The following NRXN2 variants were observed in gnomAD, a reference collection of about 807,000 sequenced individuals.
NRXN2 encodes neurexin 2.
A neutral mutation model predicts 128.8 loss-of-function variants in NRXN2; 29 were observed. The observed-to-expected ratio is 0.23, with a 90% CI of 0.17 to 0.31. NRXN2 has a LOEUF of 0.31. Ranked by LOEUF, NRXN2 falls within the 10% of genes least tolerant of loss-of-function variation. The probability of loss-of-function intolerance (pLI) is 1.00; values close to 1 mark genes in which losing one functional copy is unlikely to be tolerated. For synonymous variants in NRXN2, 1,098 were observed against 1,075.2 expected (o/e 1.02, Z -0.41); for missense variants, 1,881 against 2,452.6 (o/e 0.77, Z 4.92).
intron 2 of NRXN2, among the ~76,000 whole-genome samples, chr11:64,709,739 G>A (rs1418339509): frequency 6.6e-6 from 1 of 151,858 alleles, no homozygotes; most frequent in Non-Finnish European, 1.5e-5. Flanking sequence ...ACCAGATTAG[G>A]TGCTGGGAAT....
In NRXN2 at chr11:64,667,557, A is replaced by G. The variant is rs754259066; in HGVS notation, c.1491T>C (p.Phe497=). 4.2e-5 allele frequency: 68 copies of G among 1,613,950 alleles called. No individual in the cohort carries two copies. Among genetic ancestry groups the G allele is most frequent in the Non-Finnish European group, 5.7e-5 (67 of 1,179,946 alleles). The change falls in exon 9 of 23, where the codon TTT becomes TTC. Residue 497 remains phenylalanine, a synonymous_variant. Coordinates refer to ENST00000265459, the MANE Select transcript of NRXN2 (RefSeq NM_015080.4). The surrounding 1 kb of genome is among the most constrained non-coding windows in gnomAD (Gnocchi z 5.6). ...EDVAALDPVT[F]ESPEAFVALP... is the part of the protein sequence containing the mutation. Reference sequence around the variant, plus strand: ...GCGCCACAAAGGCCTCGGGACTCTCAAAGGTCACAGGGTCCAGGGCAGCCA... The same window carrying G: ...GCGCCACAAAGGCCTCGGGACTCTCGAAGGTCACAGGGTCCAGGGCAGCCA...
At chr11:64,706,770 A>G (rs1051742600) in intron 2 of NRXN2, among the ~76,000 whole-genome samples, 2 of 152,068 alleles carry the variant, frequency 1.3e-5, no homozygotes, top group Non-Finnish European at 2.9e-5. Context: ...TTATTAATCA[A>G]TGTTCGAGGC....
intron 12 of NRXN2, among the ~76,000 whole-genome samples, chr11:64,653,225 A>G (rs1366969055): frequency 6.6e-6 from 1 of 152,216 alleles, no homozygotes; most frequent in South Asian, 2.1e-4. Context: ...GGAGCTGAAG[A>G]GGGCTCCCTT....
At chr11:64,679,432 T>C (rs2051850658) in intron 6 of NRXN2, among the ~76,000 whole-genome samples, 2 of 151,708 alleles carry the variant, frequency 1.3e-5, no homozygotes, top group African/African-American at 4.9e-5. Flanking sequence ...GGTCAGGAGA[T>C]TGAGACCATC....
In NRXN2 at chr11:64,651,954, C is replaced by T. The variant is rs542695865; in HGVS notation, c.2536+81G>A. The T allele has an allele frequency of 1.3e-5, 20 of 1,589,920 alleles. No individual in the cohort carries two copies. In the East Asian group the frequency reaches 2.7e-4, roughly 21 times the overall value. On this transcript the variant is annotated intron_variant, in intron 13 of 22. Coordinates refer to ENST00000265459, the MANE Select transcript of NRXN2 (RefSeq NM_015080.4). This position sits in a 1 kb window ranked among gnomAD's most constrained non-coding sequence, Gnocchi z 5.9. ...GAACACTGCCCTAGGAATGGCAGCC[C>T]AGGCAGTAGTCACCAAGTAGAACAG...
chr11:64,622,785 G>A lies in NRXN2; in HGVS notation c.4141C>T (p.Arg1381Cys). Residue 1381 changes from arginine (R) to cysteine (C), a missense_variant, in exon 21 of 23, where the codon CGC becomes TGC. Around this residue, in one of 7 missense-constraint regions of NRXN2, gnomAD observed 108 missense variants for 165.2 expected, o/e 0.65. Transcript: ENST00000265459. This position sits in a 1 kb window ranked among gnomAD's most constrained non-coding sequence, Gnocchi z 4.3. Reference protein sequence around the residue: ...TMATTTTRRGRSPTLRDSTTQ... With the variant: ...TMATTTTRRGCSPTLRDSTTQ... ...GTGCTGTCCCTCAGTGTGGGGGAGC[G>A]GCCCCGGCGCGTGGTGGTAGTGGCC... The A allele has an allele frequency of 1.2e-6, 2 of 1,611,486 alleles. No individual in the cohort carries two copies. Among genetic ancestry groups the A allele is most frequent in the Non-Finnish European group, 1.7e-6 (2 of 1,179,786 alleles).
chr11:64,675,711 C>T (rs992759991), intron 7 of NRXN2: 3 of 153,168 alleles, frequency 2.0e-5, no homozygotes, highest in Admixed American at 6.5e-5. Context: ...AGCTCCTTCC[C>T]TGTTCCTGAC....
chr11:64,644,950 A>T (rs746638022), intron 17 of NRXN2, among the ~76,000 whole-genome samples: 1 of 152,138 alleles, frequency 6.6e-6, no homozygotes, highest in Non-Finnish European at 1.5e-5. Context: ...CATCTCCCCA[A>T]TGCTGCTGCC....
Position 64,607,100 on chromosome 11 carries a change from G to A in NRXN2, c.*96C>T, listed in dbSNP as rs569838763. On this transcript the variant is annotated 3_prime_UTR_variant, in exon 23 of 23. Transcript: ENST00000265459. ...GTAAGAGAAGCCTGAGGCAGCCAGGGAGAGGGTCCCCAGGCCCCTGGCAGG... is the reference window on the plus strand; with the variant it reads ...GTAAGAGAAGCCTGAGGCAGCCAGGAAGAGGGTCCCCAGGCCCCTGGCAGG... The A allele has an allele frequency of 3.2e-5, 43 of 1,353,074 alleles. No homozygotes were observed. The highest frequency in any genetic ancestry group is 6.7e-5 in the South Asian group (5 of 74,962). The allele number at this position is 1,353,074 out of a possible 1,614,324, so 83.8% of individuals were successfully genotyped here.
rs1287370787 is a variant in NRXN2, at chr11:64,622,012, C to A, written c.4173+741G>T. On this transcript the variant is annotated intron_variant, in intron 21 of 22. Transcript: ENST00000265459. The surrounding 1 kb of genome is among the most constrained non-coding windows in gnomAD (Gnocchi z 4.3). Reference sequence around the variant, plus strand: ...GGCCCCTCCTCCCTACCAGTCTGTGCTGCAGGAAGCCTGGGACTAGGCTAG... The same window carrying A: ...GGCCCCTCCTCCCTACCAGTCTGTGATGCAGGAAGCCTGGGACTAGGCTAG... Among the ~76,000 whole-genome samples, 3 of 152,108 alleles carry A rather than the reference C, an allele frequency of 2.0e-5. No individual in the cohort carries two copies. The highest frequency in any genetic ancestry group is 2.9e-5 in the Non-Finnish European group (2 of 68,000).
At chr11:64,704,987 C>T (rs1216839663) in intron 2 of NRXN2, among the ~76,000 whole-genome samples, 2 of 152,156 alleles carry the variant, frequency 1.3e-5, no homozygotes, top group Non-Finnish European at 2.9e-5. Context: ...GGATAATGCC[C>T]TGCTCTCTGG....
intron 6 of NRXN2, among the ~76,000 whole-genome samples, chr11:64,677,936 G>C (rs1481692770): frequency 6.6e-6 from 1 of 152,152 alleles, no homozygotes. Flanking sequence ...AACCCCTAGA[G>C]AATCAAAGGA....
At chr11:64,641,139 C>T (rs765318260) in intron 17 of NRXN2, among the ~76,000 whole-genome samples, 30 of 151,496 alleles carry the variant, frequency 2.0e-4, no homozygotes, top group Non-Finnish European at 3.2e-4. Context: ...TGATGGGAGG[C>T]GACGGACATG....
At chr11:64,720,981 G>A (rs1178907088) in intron 1 of NRXN2, among the ~76,000 whole-genome samples, 1 of 152,104 alleles carries the variant, frequency 6.6e-6, no homozygotes, top group African/African-American at 2.4e-5. Flanking sequence ...TGGCAGTGCT[G>A]CGCTGGGGGC....
chr11:64,627,598 C>A (rs2135354949), intron 19 of NRXN2, among the ~76,000 whole-genome samples: 1 of 152,146 alleles, frequency 6.6e-6, no homozygotes, highest in Admixed American at 6.5e-5. Context: ...ACCTGTTCCT[C>A]TCTGCGCTCA....
intron 2 of NRXN2, among the ~76,000 whole-genome samples, chr11:64,703,652 A>G (rs1485592155): frequency 1.3e-5 from 2 of 152,174 alleles, no homozygotes; most frequent in Non-Finnish European, 2.9e-5. Context: ...TTCCTCATGT[A>G]GGCTACTCTC....
Position 64,623,516 on chromosome 11 carries a change from C to T in NRXN2, c.3848-438G>A. The T allele has an allele frequency of 4.5e-6, 1 of 224,024 alleles. No homozygotes were observed. Among genetic ancestry groups the T allele is most frequent in the Non-Finnish European group, 9.0e-6 (1 of 110,834 alleles). 13.9% of individuals were successfully genotyped at this position (224,024 alleles called of 1,614,324 possible). A position where few individuals can be genotyped will look rare whatever the true frequency, so the allele number is the denominator to read the frequency against. On this transcript the variant is annotated intron_variant, in intron 20 of 22. Coordinates refer to ENST00000265459, the MANE Select transcript of NRXN2 (RefSeq NM_015080.4). This position sits in a 1 kb window ranked among gnomAD's most constrained non-coding sequence, Gnocchi z 4.9. ...GCCCCAAGCCCTGAAGCCATGGAGC[C>T]CCTGGAAGAGGCAGATAGAGGAGAC...
At chr11:64,642,732 C>G (rs1430141935) in intron 17 of NRXN2, 2 of 1,430,014 alleles carry the variant, frequency 1.4e-6, no homozygotes, top group African/African-American at 3.0e-5. Context: ...GCGGTGGAGG[C>G]GGCGGCAGGG....
intron 22 of NRXN2, among the ~76,000 whole-genome samples, chr11:64,612,213 C>T (rs922640177): frequency 2.6e-5 from 4 of 152,024 alleles, no homozygotes; most frequent in African/African-American, 9.7e-5. Flanking sequence ...AGGGGAGGAC[C>T]GGGCTCCTCA....
Sources: gnomAD v4.1 joint callset for allele counts (sites outside exome capture counted in the v4.1 genomes callset) on GRCh38, gnomAD v4.1.1 for gene constraint, gnomAD v4.1.1 regional missense constraint, Gnocchi (gnomAD v3.1) non-coding constraint, MANE v1.5 for transcripts, NCBI Gene and HGNC (gene_info 2026-07-23, HGNC 2026-07-21) for gene names.